The following IFT57 variants were observed in gnomAD, a reference collection of about 807,000 sequenced individuals.
The protein encoded by IFT57 is intraflagellar transport protein 57 homolog.
A neutral mutation model predicts 56.8 loss-of-function variants in IFT57; 59 were observed. The ratio of observed to expected loss-of-function variants is 1.04; its 90% CI spans 0.84 to 1.29. IFT57 has a LOEUF of 1.29. Ranked by LOEUF, IFT57 falls within the 50% of genes most tolerant of loss-of-function variation. IFT57 has a pLI of 0.00. For synonymous variants in IFT57, 209 were observed against 186.1 expected (o/e 1.12, Z -1.00); for missense variants, 470 against 522.1 (o/e 0.90, Z 0.97).
chr3:108,219,755 T>C (rs2080395419), intron 1 of IFT57, among the ~76,000 whole-genome samples, 183 bp from the exon 2 acceptor site: 2 of 152,174 alleles, frequency 1.3e-5, no homozygotes, highest in African/African-American at 2.4e-5. Flanking sequence ...TTGAAGTTTT[T>C]AAATCAGCAG....
intron 2 of IFT57, 146 bp from the exon 3 acceptor site, chr3:108,218,799 C>T (rs541516510): frequency 2.2e-6 from 1 of 454,058 alleles, no homozygotes; most frequent in Non-Finnish European, 3.9e-6. Flanking sequence ...CATACAAATC[C>T]ATTTCAAGTC....
intron 6 of IFT57, among the ~76,000 whole-genome samples, chr3:108,184,337 T>C (rs907568677): frequency 1.3e-5 from 2 of 152,152 alleles, no homozygotes; most frequent in African/African-American, 2.4e-5. Context: ...TCCACTTATA[T>C]GCGGATTTTT....
chr3:108,184,526 C>CTT (rs2080169419), intron 6 of IFT57, among the ~76,000 whole-genome samples: 2 of 151,152 alleles, frequency 1.3e-5, no homozygotes, highest in Admixed American at 1.3e-4. Flanking sequence ...ACAAAAAAAA[C>CTT]TATTATAAAA....
At chr3:108,193,212 A>C (rs570917330) in intron 5 of IFT57, among the ~76,000 whole-genome samples, 48 of 152,340 alleles carry the variant, frequency 3.2e-4, no homozygotes, top group Middle Eastern at 3.4e-3. Context: ...CAGAAGATTA[A>C]TCTTACATTA....
At chr3:108,217,592 G>T (rs1043826990) in intron 3 of IFT57, among the ~76,000 whole-genome samples, 38 of 151,568 alleles carry the variant, frequency 2.5e-4, no homozygotes, top group African/African-American at 8.9e-4. Context: ...CTAATTCAAG[G>T]AAGTTATTAA....
chr3:108,179,318 C>A (rs1454296833), intron 6 of IFT57, among the ~76,000 whole-genome samples: 2 of 151,864 alleles, frequency 1.3e-5, no homozygotes, highest in African/African-American at 4.8e-5. Context: ...GTCAACAATT[C>A]TTTGCAAATC....
intron 5 of IFT57, among the ~76,000 whole-genome samples, chr3:108,198,493 G>A (rs2080257891): frequency 6.6e-6 from 1 of 152,176 alleles, no homozygotes; most frequent in Admixed American, 6.5e-5. Context: ...CCAGGTTGGA[G>A]TGCAGTGGCA....
At chr3:108,184,042 T>C (rs2080165722) in intron 6 of IFT57, among the ~76,000 whole-genome samples, 1 of 152,168 alleles carries the variant, frequency 6.6e-6, no homozygotes, top group African/African-American at 2.4e-5. Context: ...TAGGAAAGTA[T>C]TATCCTTCAA....
chr3:108,167,902 A>G, intron 6 of IFT57, 38 bp from the exon 7 acceptor site: 1 of 1,429,694 alleles, frequency 7.0e-7, no homozygotes, highest in Non-Finnish European at 9.5e-7. Context: ...TGTAAAAAAT[A>G]CTACATTTCC....
Position 108,222,199 on chromosome 3 carries a change from C to T in IFT57, c.124G>A (p.Val42Met). ...TTCTCCACCAAGTCCTCCATCACCA[C>T]GAACATGTGGTAGGCCGCGCCGGGC... ...RGPGAAYHMF[V>M]VMEDLVEKLK... The change falls in exon 1 of 11, where the codon GTG becomes ATG. Residue 42 changes from valine to methionine, a missense_variant. Physicochemically the swap from Val to Met is conservative, Grantham distance 21. Coordinates refer to ENST00000264538, the MANE Select transcript of IFT57 (RefSeq NM_018010.4). 1 of 1,614,176 alleles carries T rather than the reference C, an allele frequency of 6.2e-7. No individual in the cohort carries two copies.
In IFT57 at chr3:108,165,374, T is replaced by C. The variant is rs1012212560; in HGVS notation, c.1044+57A>G. On this transcript the variant is annotated intron_variant, in intron 9 of 10. Transcript: ENST00000264538. The stretch of plus-strand genomic sequence containing the variant: ...GCAGTGTTAAACCATTTGTAGGTTC[T>C]CAATGGCTGGGGCCCAGCTGACAGG... The C allele has an allele frequency of 5.7e-5, 80 of 1,414,060 alleles. No individual in the cohort carries two copies. In the Admixed American group the frequency reaches 1.3e-3, roughly 24 times the overall value. The allele number at this position is 1,414,060 out of a possible 1,614,324, so 87.6% of individuals were successfully genotyped here.
At chr3:108,179,881 G>A (rs555998949) in intron 6 of IFT57, among the ~76,000 whole-genome samples, 35 of 121,076 alleles carry the variant, frequency 2.9e-4, no homozygotes, top group Admixed American at 2.6e-3. Context: ...ATTTTTATGC[G>A]TTAAAGAACT....
intron 5 of IFT57, among the ~76,000 whole-genome samples, chr3:108,201,268 TGA>T (rs2080277305): frequency 6.6e-6 from 1 of 152,172 alleles, no homozygotes; most frequent in Non-Finnish European, 1.5e-5. Context: ...AGGCCCACAA[TGA>T]AACCAAGAAG....
chr3:108,185,404 G>T (rs1008535192), intron 6 of IFT57, among the ~76,000 whole-genome samples: 2 of 152,106 alleles, frequency 1.3e-5, no homozygotes, highest in Non-Finnish European at 2.9e-5. Flanking sequence ...AATGGCAGAA[G>T]ATGAGTTCCT....
At chr3:108,204,183 C>T (rs1295471605) in intron 5 of IFT57, among the ~76,000 whole-genome samples, 1 of 152,118 alleles carries the variant, frequency 6.6e-6, no homozygotes, top group Non-Finnish European at 1.5e-5. Flanking sequence ...CATGAGCTTG[C>T]CAGGTTTTTT....
At chr3:108,217,842 T>C (rs2080381282) in intron 3 of IFT57, among the ~76,000 whole-genome samples, 1 of 151,856 alleles carries the variant, frequency 6.6e-6, no homozygotes, top group African/African-American at 2.4e-5. Flanking sequence ...AATTATAATC[T>C]CTATAAATTG....
intron 6 of IFT57, among the ~76,000 whole-genome samples, chr3:108,180,759 C>A (rs982292635): frequency 6.6e-6 from 1 of 151,828 alleles, no homozygotes; most frequent in Non-Finnish European, 1.5e-5. Context: ...TGAGTCAAGC[C>A]AATAAAAAGT....
At position 108,212,886 on chromosome 3, in the gene IFT57, T is replaced by C. The variant is rs143510799; in HGVS notation, c.585+1045A>G. 3.0e-4 allele frequency among the ~76,000 whole-genome samples: 46 copies of C among 152,310 alleles called. 1 individual carries two copies. In the East Asian group the frequency reaches 8.9e-3, roughly 29 times the overall value. ...AGTTGACCCTTGAACAACACGGGTT[T>C]GAACTGCATGGGTCCACTTAAATAC... On this transcript the variant is annotated intron_variant, in intron 4 of 10. Coordinates refer to ENST00000264538, the MANE Select transcript of IFT57 (RefSeq NM_018010.4).
chr3:108,184,429 T>C (rs2080168488), intron 6 of IFT57, among the ~76,000 whole-genome samples: 1 of 152,046 alleles, frequency 6.6e-6, no homozygotes, highest in South Asian at 2.1e-4. Context: ...GGCTAAAATA[T>C]TGAAAAAATT....
Sources: allele counts gnomAD v4.1 joint callset (sites outside exome capture counted in the v4.1 genomes callset), GRCh38; gene constraint gnomAD v4.1.1; transcripts MANE v1.5; gene names NCBI Gene and HGNC (gene_info 2026-07-23, HGNC 2026-07-21).